The following BRINP3 variants were observed in gnomAD, a reference collection of about 807,000 sequenced individuals.
The protein encoded by BRINP3 is BMP/retinoic acid inducible neural specific 3, also known as BMP/retinoic acid-inducible neural-specific protein 3.
BRINP3 carries 19 observed loss-of-function variants against 71.0 expected under a neutral mutation model. The ratio of observed to expected loss-of-function variants is 0.27; its 90% confidence interval spans 0.19 to 0.39. The LOEUF (loss-of-function observed/expected upper bound fraction) is 0.39, where lower values mean the gene tolerates loss of function less well. Among genes scored for constraint, BRINP3 ranks in the 10% least tolerant of loss-of-function variants. The pLI, the probability that BRINP3 is intolerant of heterozygous loss-of-function variation, is 1.00. For synonymous variants in BRINP3, 380 were observed against 337.7 expected, an observed-to-expected ratio of 1.13 and a Z score of -1.37; for missense variants, 959 against 940.8, an observed-to-expected ratio of 1.02 and a Z score of -0.25.
intron 7 of BRINP3, among the ~76,000 whole-genome samples, chr1:190,153,069 G>A (rs1177693677): frequency 6.6e-6 from 1 of 152,084 alleles, no homozygotes; most frequent in African/African-American, 2.4e-5. Context: ...ATGAAAATAG[G>A]TAGCATAAGT....
chr1:190,106,178 C>T (rs1253753614), intron 7 of BRINP3, among the ~76,000 whole-genome samples: 2 of 151,748 alleles, frequency 1.3e-5, no homozygotes, highest in Non-Finnish European at 2.9e-5. Flanking sequence ...GTATTCACCC[C>T]CCCATAATAT....
chr1:190,172,256 T>A (rs562484437), intron 6 of BRINP3, among the ~76,000 whole-genome samples: 27 of 150,900 alleles, frequency 1.8e-4, no homozygotes, highest in African/African-American at 5.9e-4. Context: ...TATATATGAG[T>A]TAAATTTTCC....
Position 190,098,556 on chromosome 1 carries a change from A to C in BRINP3, c.1763T>G (p.Val588Gly). ...GSHSESWFMPVNENSFPDWER... is the reference protein window; with the variant it reads ...GSHSESWFMPGNENSFPDWER... ...CCAGTCTGGAAAGCTGTTTTCATTCACAGGCATAAACCAGCTCTCAGAGTG... is the reference window on the plus strand; with the variant it reads ...CCAGTCTGGAAAGCTGTTTTCATTCCCAGGCATAAACCAGCTCTCAGAGTG... The change falls in exon 8 of 8, where the codon GTG (valine) becomes GGG (glycine). Residue 588 changes from valine (V) to glycine (G), a missense_variant. Coordinates refer to ENST00000367462, the MANE Select transcript of BRINP3 (RefSeq NM_199051.3). 1 of 1,614,172 alleles carries C rather than the reference A, an allele frequency of 6.2e-7. No homozygotes were observed. The highest frequency in any genetic ancestry group is 8.5e-7 in the Non-Finnish European group (1 of 1,180,028).
At chr1:190,120,056 A>C (rs2102313490) in intron 7 of BRINP3, among the ~76,000 whole-genome samples, 1 of 152,322 alleles carries the variant, frequency 6.6e-6, no homozygotes, top group Middle Eastern at 3.4e-3. Flanking sequence ...CATTGTTTTT[A>C]CTTTTTAATT....
intron 2 of BRINP3, among the ~76,000 whole-genome samples, chr1:190,308,643 A>C (rs936764839): frequency 1.3e-5 from 2 of 151,940 alleles, no homozygotes; most frequent in Admixed American, 6.6e-5. Flanking sequence ...AAAGTATAAT[A>C]ATAATAAAAA....
chr1:190,406,624 T>C (rs1672300491), intron 2 of BRINP3, among the ~76,000 whole-genome samples: 1 of 152,108 alleles, frequency 6.6e-6, no homozygotes, highest in Admixed American at 6.6e-5. Flanking sequence ...AGGCAAGCAT[T>C]TGTATGCTGA....
intron 6 of BRINP3, among the ~76,000 whole-genome samples, chr1:190,200,302 T>C (rs1286015760): frequency 6.6e-6 from 1 of 152,136 alleles, no homozygotes; most frequent in Non-Finnish European, 1.5e-5. Context: ...TGCCTGGCTA[T>C]GAAAACTATT....
intron 3 of BRINP3, among the ~76,000 whole-genome samples, chr1:190,279,343 C>T (rs1030058279): frequency 6.6e-6 from 1 of 151,858 alleles, no homozygotes; most frequent in Admixed American, 6.6e-5. Flanking sequence ...TTAAATTATA[C>T]CACACACTGT....
intron 5 of BRINP3, 120 bp from the exon 6 acceptor site, chr1:190,226,438 A>G (rs567326372): frequency 3.7e-6 from 2 of 537,358 alleles, no homozygotes; most frequent in East Asian, 6.5e-5. Flanking sequence ...TGAATTATGT[A>G]TTTTTAAACT....
intron 2 of BRINP3, among the ~76,000 whole-genome samples, chr1:190,397,455 T>C (rs1448966453): frequency 6.6e-6 from 1 of 151,994 alleles, no homozygotes; most frequent in Non-Finnish European, 1.5e-5. Flanking sequence ...ACTCAGGCAC[T>C]TGACTTATTT....
intron 2 of BRINP3, among the ~76,000 whole-genome samples, chr1:190,424,174 TC>T (rs1673555531): frequency 6.6e-6 from 1 of 151,706 alleles, no homozygotes; most frequent in Admixed American, 6.6e-5. Flanking sequence ...AAAGAAAACT[TC>T]CTATGTTGTG....
intron 7 of BRINP3, among the ~76,000 whole-genome samples, chr1:190,141,126 A>C (rs1007828304): frequency 6.6e-6 from 1 of 152,238 alleles, no homozygotes; most frequent in East Asian, 1.9e-4. Context: ...CCTGTTTTTC[A>C]TAGGTTTTCT....
At chr1:190,178,176 T>C (rs1037916562) in intron 6 of BRINP3, among the ~76,000 whole-genome samples, 1 of 152,176 alleles carries the variant, frequency 6.6e-6, no homozygotes, top group Non-Finnish European at 1.5e-5. Context: ...TTATAAATTA[T>C]GTAACACATT....
chr1:190,159,636 G>A (rs1657170347), intron 7 of BRINP3, among the ~76,000 whole-genome samples: 2 of 152,020 alleles, frequency 1.3e-5, no homozygotes, highest in Non-Finnish European at 2.9e-5. Flanking sequence ...CAAATCTATA[G>A]AGACAAATAG....
rs143226604 is a variant in BRINP3 at position 190,152,148 on chromosome 1, A to G, written c.1184+8520T>C. ...GGAATGTATTTATTTGAGATAAAAT[A>G]CATTATCTTAGATAAATTTATTATT... On this transcript the variant is annotated intron_variant, in intron 7 of 7. Transcript: ENST00000367462. 5.5e-3 allele frequency among the ~76,000 whole-genome samples: 831 copies of G among 152,268 alleles called. 9 individuals carry two copies. The highest frequency in any genetic ancestry group is 9.2e-3 in the Non-Finnish European group (627 of 68,014).
intron 1 of BRINP3, among the ~76,000 whole-genome samples, chr1:190,475,582 C>G (rs899555878): frequency 1.3e-5 from 2 of 152,158 alleles, no homozygotes; most frequent in African/African-American, 4.8e-5. Flanking sequence ...GCCAGCTGGT[C>G]AACCAGGCAC....
intron 7 of BRINP3, among the ~76,000 whole-genome samples, chr1:190,138,544 T>G (rs1248170872): frequency 6.6e-6 from 1 of 152,148 alleles, no homozygotes; most frequent in East Asian, 1.9e-4. Flanking sequence ...AGCTCAGATG[T>G]TAGTTTTTGT....
chr1:190,432,523 C>T (rs1416539227), intron 2 of BRINP3, among the ~76,000 whole-genome samples: 2 of 152,138 alleles, frequency 1.3e-5, no homozygotes, highest in Admixed American at 1.3e-4. Context: ...TCCTCTAAGG[C>T]ACCATGTGTG....
chr1:190,156,515 T>TA (rs375854274), intron 7 of BRINP3, among the ~76,000 whole-genome samples: 3 of 48,354 alleles, frequency 6.2e-5, no homozygotes, highest in African/African-American at 2.4e-4. Context: ...CCAGTACATA[T>TA]TTTTTTTTTG....
Sources: gnomAD v4.1 joint callset for allele counts (sites outside exome capture counted in the v4.1 genomes callset) on GRCh38, gnomAD v4.1.1 for gene constraint, MANE v1.5 for transcripts, NCBI Gene and HGNC (gene_info 2026-07-23, HGNC 2026-07-21) for gene names.